Variants in AKAP6 observed in about 807,000 individuals in gnomAD.
AKAP6 encodes the protein A-kinase anchor protein 6.
Under a neutral mutation model 188.5 loss-of-function variants are expected in AKAP6, and 58 were observed. The observed-to-expected ratio is 0.31, with a 90% confidence interval of 0.25 to 0.38. The LOEUF is 0.38. AKAP6 is among the 10% of genes least tolerant of loss of function. The probability of loss-of-function intolerance (pLI) is 1.00; values close to 1 mark genes in which losing one functional copy is unlikely to be tolerated. For synonymous variants in AKAP6, 989 were observed against 998.6 expected, an observed-to-expected ratio of 0.99 and a Z score of 0.18; for missense variants, 2,710 against 2,740.0, an observed-to-expected ratio of 0.99 and a Z score of 0.24.
chr14:32,433,445 C>G lies in AKAP6; in HGVS notation c.-34-15C>G, dbSNP rs1890280833. The G allele has an allele frequency of 6.5e-7, 1 of 1,534,356 alleles. No homozygotes were observed. Among genetic ancestry groups the G allele is most frequent in the Non-Finnish European group, 8.9e-7 (1 of 1,119,844 alleles). ...TTGACTGACTCTTGCTTTCTTCTTT[C>G]CTCTTGCCTTTCAGCTGTTTTGGAA... On this transcript the variant is annotated splice_polypyrimidine_tract_variant and intron_variant, in intron 1 of 13. Coordinates refer to ENST00000280979, the MANE Select transcript of AKAP6 (RefSeq NM_004274.5).
At chr14:32,795,877 A>G (rs538498800) in intron 12 of AKAP6, among the ~76,000 whole-genome samples, 1 of 152,344 alleles carries the variant, frequency 6.6e-6, no homozygotes, top group East Asian at 1.9e-4. Context: ...TTCTATACCT[A>G]GAGAACCCCA....
At chr14:32,604,180 T>G (rs1238085166) in intron 7 of AKAP6, among the ~76,000 whole-genome samples, 1 of 152,182 alleles carries the variant, frequency 6.6e-6, no homozygotes, top group Non-Finnish European at 1.5e-5. Flanking sequence ...TTAATAGTAT[T>G]TCTATTCTAG....
intron 8 of AKAP6, among the ~76,000 whole-genome samples, chr14:32,685,966 T>C (rs1238383647): frequency 6.6e-6 from 1 of 152,162 alleles, no homozygotes; most frequent in African/African-American, 2.4e-5. Flanking sequence ...GAAATCAGTA[T>C]ATGAAAGAAA....
At chr14:32,438,572 A>G (rs1890464969) in intron 2 of AKAP6, 1 of 152,208 alleles carries the variant, frequency 6.6e-6, no homozygotes, top group African/African-American at 2.4e-5. Flanking sequence ...GAGTGAATAA[A>G]AGCAGAGATT....
rs749207920 is a variant in AKAP6 at position 32,822,907 on chromosome 14, T to A, written c.5094T>A (p.Ser1698=). The A allele has an allele frequency of 1.9e-6, 3 of 1,613,902 alleles. No individual in the cohort carries two copies. The South Asian group carries it at 3.3e-5, about 18-fold the overall frequency. The stretch of plus-strand genomic sequence containing the variant: ...AACTTAGCAGCAGTGACGAGCTCTC[T>A]CTTTGCTCAGAGGATATTGTGTTAC... ...LTELSSSDEL[S]LCSEDIVLHK... The change falls in exon 13 of 14, where the codon TCT becomes TCA. Residue 1698 remains serine, a synonymous_variant. Transcript: ENST00000280979.
chr14:32,580,283 C>T (rs1228960146), intron 5 of AKAP6, among the ~76,000 whole-genome samples: 1 of 151,926 alleles, frequency 6.6e-6, no homozygotes, highest in Non-Finnish European at 1.5e-5. Context: ...CCTGGCTGCT[C>T]CTTTCAAAAA....
At chr14:32,427,132 G>A (rs150107103) in intron 1 of AKAP6, among the ~76,000 whole-genome samples, 2 of 152,108 alleles carry the variant, frequency 1.3e-5, no homozygotes, top group Admixed American at 6.6e-5. Flanking sequence ...CCCTATTGAC[G>A]TGCTGTTTCC....
At position 32,823,954 on chromosome 14, in the gene AKAP6, T is replaced by A. The variant is rs1226703932; in HGVS notation, c.6141T>A (p.His2047Gln). ...GCAACTGTGAGCCAGATGTTTTCCATCAAAAAGATGCCGAAGATTGTTCAG... is the reference window on the plus strand; with the variant it reads ...GCAACTGTGAGCCAGATGTTTTCCAACAAAAAGATGCCGAAGATTGTTCAG... ...SCCNCEPDVF[H>Q]QKDAEDCSVH... is the part of the protein sequence containing the mutation. Residue 2047 changes from histidine (H) to glutamine (Q), a missense_variant, in exon 13 of 14, where the codon CAT becomes CAA. By Grantham distance (24) the His-to-Gln change is conservative. Around this residue, in one of 2 missense-constraint regions of AKAP6, gnomAD observed 2,473 missense variants for 2,426.1 expected, o/e 1.02. Transcript: ENST00000280979. The A allele has an allele frequency of 6.2e-7, 1 of 1,613,944 alleles. No homozygotes were observed. The highest frequency in any genetic ancestry group is 1.7e-5 in the Admixed American group (1 of 59,940).
At chr14:32,585,821 G>A (rs1009847549) in intron 5 of AKAP6, among the ~76,000 whole-genome samples, 3 of 152,112 alleles carry the variant, frequency 2.0e-5, no homozygotes. Flanking sequence ...AAGGGAGGAT[G>A]GGAGATGGGA....
chr14:32,628,399 A>T (rs1333237953), intron 7 of AKAP6, among the ~76,000 whole-genome samples: 1 of 152,032 alleles, frequency 6.6e-6, no homozygotes, highest in Non-Finnish European at 1.5e-5. Context: ...TGTTCTTTTG[A>T]TAGGTTGATG....
chr14:32,525,079 G>A (rs1170920265), intron 2 of AKAP6, among the ~76,000 whole-genome samples: 2 of 152,184 alleles, frequency 1.3e-5, no homozygotes, highest in African/African-American at 4.8e-5. Context: ...TTCCAGAAGA[G>A]CTATTGAGAG....
chr14:32,482,969 GTGTC>G (rs971676638), intron 2 of AKAP6, among the ~76,000 whole-genome samples: 16 of 67,012 alleles, frequency 2.4e-4, no homozygotes, highest in African/African-American at 5.9e-4. Context: ...GTGTGTGTGT[GTGTC>G]TGTGTGTGTG....
chr14:32,824,921 G>T, intron 13 of AKAP6, 106 bp downstream of exon 13: 1 of 824,386 alleles, frequency 1.2e-6, no homozygotes, highest in Non-Finnish European at 1.9e-6. Context: ...ACGGCAGACA[G>T]TTATCTGAAT....
intron 7 of AKAP6, among the ~76,000 whole-genome samples, chr14:32,656,628 C>T (rs549096123): frequency 1.8e-4 from 27 of 152,262 alleles, no homozygotes; most frequent in African/African-American, 6.0e-4. Context: ...GGAATACATA[C>T]GTTTAGTGTA....
At chr14:32,781,944 C>G (rs1172544903) in intron 12 of AKAP6, among the ~76,000 whole-genome samples, 3 of 152,074 alleles carry the variant, frequency 2.0e-5, no homozygotes, top group Non-Finnish European at 2.9e-5. Context: ...GGGTGGATCA[C>G]TTGAGGCCAG....
intron 12 of AKAP6, among the ~76,000 whole-genome samples, chr14:32,802,615 A>T (rs976085613): frequency 6.6e-6 from 1 of 152,156 alleles, no homozygotes; most frequent in Admixed American, 6.6e-5. Flanking sequence ...AAGTGTTCAC[A>T]CCCTTTGGCC....
chr14:32,688,987 G>T (rs1024311004), intron 8 of AKAP6, among the ~76,000 whole-genome samples: 5 of 152,118 alleles, frequency 3.3e-5, no homozygotes, highest in African/African-American at 1.2e-4. Context: ...ATGGTGAACT[G>T]CCCAACTCAC....
chr14:32,574,844 C>T (rs1884650455), intron 4 of AKAP6, among the ~76,000 whole-genome samples: 1 of 152,154 alleles, frequency 6.6e-6, no homozygotes, highest in Non-Finnish European at 1.5e-5. Flanking sequence ...ACAGACAATA[C>T]TTCTGTAAGT....
At chr14:32,460,094 C>G (rs557433835) in intron 2 of AKAP6, among the ~76,000 whole-genome samples, 15 of 152,166 alleles carry the variant, frequency 9.9e-5, no homozygotes, top group Admixed American at 4.6e-4. Flanking sequence ...TATAATCAAG[C>G]CTTTAGATCT....
Sources: gnomAD v4.1 joint callset for allele counts (sites outside exome capture counted in the v4.1 genomes callset) on GRCh38, gnomAD v4.1.1 for gene constraint, gnomAD v4.1.1 regional missense constraint, MANE v1.5 for transcripts, NCBI Gene and HGNC (gene_info 2026-07-23, HGNC 2026-07-21) for gene names.